Variants in ESYT3 observed in about 807,000 individuals in gnomAD.
The protein encoded by ESYT3 is extended synaptotagmin-3.
A neutral mutation model predicts 111.5 loss-of-function variants in ESYT3; 101 were observed. The ratio of observed to expected loss-of-function variants is 0.91; its 90% CI spans 0.77 to 1.07. ESYT3 has a LOEUF of 1.07. Ranked by LOEUF, ESYT3 falls within the 50% of genes least tolerant of loss-of-function variation. The probability of loss-of-function intolerance (pLI) is 0.00; values close to 1 mark genes in which losing one functional copy is unlikely to be tolerated. For missense variants in ESYT3, 1,097 were observed against 1,109.4 expected (o/e 0.99, Z 0.16); for synonymous variants, 416 against 446.8 (o/e 0.93, Z 0.87).
chr3:138,451,020 T>G (rs2031889819), intron 1 of ESYT3, among the ~76,000 whole-genome samples: 1 of 152,230 alleles, frequency 6.6e-6, no homozygotes, highest in Admixed American at 6.5e-5. Flanking sequence ...CCTGTACATG[T>G]CCACGCTTAC....
At position 138,459,833 on chromosome 3, in the gene ESYT3, CAT is replaced by C. The variant is rs1249895138; in HGVS notation, c.649-111_649-110del. ...GGCAGCTTGGGGCAGGTGGCCCTGA[CAT>C]GTGGGGCAGCGTGGGCATGAAATGA... is the stretch of plus-strand genomic sequence containing the variant. On this transcript the variant is annotated intron_variant, in intron 5 of 22. Transcript: ENST00000389567. 2.9e-5 allele frequency: 26 copies of C among 887,896 alleles called. No individual in the cohort carries two copies. In the Middle Eastern group the frequency reaches 1.7e-3, roughly 57 times the overall value. 55.0% of individuals were successfully genotyped at this position (887,896 alleles called of 1,614,324 possible).
At position 138,477,558 on chromosome 3, in the gene ESYT3, G is replaced by GA. The variant is rs1369939472; in HGVS notation, c.*708dup. On this transcript the variant is annotated 3_prime_UTR_variant, in exon 23 of 23. Coordinates refer to ENST00000389567, the MANE Select transcript of ESYT3 (RefSeq NM_031913.5). ...CCAGCGTGTAGCATTATTTCCATAGGAAAATGCAAACCAAGTTCCAAGCCC... is the reference window on the plus strand; with the variant it reads ...CCAGCGTGTAGCATTATTTCCATAGGAAAAATGCAAACCAAGTTCCAAGCCC... 6.6e-6 allele frequency: 1 copy of GA among 152,146 alleles called. No individual in the cohort carries two copies. The highest frequency in any genetic ancestry group is 2.4e-5 in the African/African-American group (1 of 41,430). The allele number at this position is 152,146 out of a possible 1,614,324, so 9.4% of individuals were successfully genotyped here.
At chr3:138,445,236 CA>C (rs2031457228) in intron 1 of ESYT3, among the ~76,000 whole-genome samples, 1 of 152,212 alleles carries the variant, frequency 6.6e-6, no homozygotes, top group Non-Finnish European at 1.5e-5. Flanking sequence ...GGAACTGCAA[CA>C]AAAGCTCAGT....
chr3:138,450,686 C>T lies in ESYT3; in HGVS notation c.328-1362C>T, dbSNP rs530866387. On this transcript the variant is annotated intron_variant, in intron 1 of 22. Transcript: ENST00000389567. Reference sequence around the variant, plus strand: ...ACTGTTCCGGGAGAACTGAATTTCTCTGTCCCCTATTTTGGGAATGGCTGT... The same window carrying T: ...ACTGTTCCGGGAGAACTGAATTTCTTTGTCCCCTATTTTGGGAATGGCTGT... Among the ~76,000 whole-genome samples the T allele has an allele frequency of 1.7e-4, 26 of 152,374 alleles. No individual in the cohort carries two copies. The South Asian group carries it at 4.8e-3, about 28-fold the overall frequency.
chr3:138,454,952 A>C (rs1158052678), intron 2 of ESYT3, among the ~76,000 whole-genome samples: 1 of 152,230 alleles, frequency 6.6e-6, no homozygotes, highest in Non-Finnish European at 1.5e-5. Flanking sequence ...GAATAGCACC[A>C]AATCTTGGGG....
rs2033384542 is a variant in ESYT3, at chr3:138,474,315, G to A, written c.2431G>A (p.Val811Met). 6.2e-7 allele frequency: 1 copy of A among 1,604,834 alleles called. No individual in the cohort carries two copies. Among genetic ancestry groups the A allele is most frequent in the African/African-American group, 1.3e-5 (1 of 74,214 alleles). ...GTGGGCATGTCGTAAGAAGACTTCA[G>A]TGAAGCGGAAGACCTTGGAACCCCT... Reference protein sequence around the residue: ...RKWACRKKTSVKRKTLEPLFD... With the variant: ...RKWACRKKTSMKRKTLEPLFD... Residue 811 changes from valine to methionine, a missense_variant, in exon 20 of 23, where the codon GTG (valine) becomes ATG (methionine). Coordinates refer to ENST00000389567, the MANE Select transcript of ESYT3 (RefSeq NM_031913.5).
intron 2 of ESYT3, among the ~76,000 whole-genome samples, chr3:138,454,736 C>T (rs888517780): frequency 3.3e-5 from 5 of 152,182 alleles, no homozygotes; most frequent in Admixed American, 6.5e-5. Context: ...CTGCAGAAAT[C>T]GGGCAAAGGC....
At position 138,468,208 on chromosome 3, in the gene ESYT3, GT is replaced by G; in HGVS notation, c.1308+15del. ...GTTCTGACTGAGGTGAGTGTGGGGTGTCAAGGGCTCCCTTGCAGAAAGGTGG... is the reference window on the plus strand; with the variant it reads ...GTTCTGACTGAGGTGAGTGTGGGGTGCAAGGGCTCCCTTGCAGAAAGGTGG... On this transcript the variant is annotated intron_variant, in intron 12 of 22. Transcript: ENST00000389567. The G allele has an allele frequency of 1.2e-6, 2 of 1,613,372 alleles. No individual in the cohort carries two copies. The highest frequency in any genetic ancestry group is 2.2e-5 in the South Asian group (2 of 91,072).
chr3:138,469,599 G>A, intron 15 of ESYT3, 95 bp downstream of exon 15: 1 of 970,072 alleles, frequency 1.0e-6, no homozygotes, highest in Non-Finnish European at 1.6e-6. Context: ...AACTTATGGT[G>A]AATGCCTAGT....
In ESYT3 at chr3:138,463,116, G is replaced by A. The variant is rs367831446; in HGVS notation, c.915+910G>A. On this transcript the variant is annotated intron_variant, in intron 8 of 22. Coordinates refer to ENST00000389567, the MANE Select transcript of ESYT3 (RefSeq NM_031913.5). The stretch of plus-strand genomic sequence containing the variant: ...GGTGGGTGTGAAGGGAGGTGGTGGC[G>A]GGGAGTCTTGCTCTGTGGCCCAGGC... Among the ~76,000 whole-genome samples the A allele has an allele frequency of 2.4e-4, 37 of 152,054 alleles. No individual in the cohort carries two copies. In the South Asian group the frequency reaches 3.1e-3, roughly 13 times the overall value.
chr3:138,457,734 C>T (rs995972943), intron 4 of ESYT3, 90 bp downstream of exon 4: 12 of 1,257,272 alleles, frequency 9.5e-6, no homozygotes, highest in Non-Finnish European at 1.2e-5. Flanking sequence ...TATATATACT[C>T]TGACTTGGGA....
At position 138,468,886 on chromosome 3, in the gene ESYT3, G is replaced by T. The variant is rs1373826223; in HGVS notation, c.1434+5G>T. 3 of 1,614,034 alleles carry T rather than the reference G, an allele frequency of 1.9e-6. No homozygotes were observed. The highest frequency in any genetic ancestry group is 1.1e-5 in the South Asian group (1 of 91,080). ...AAACTCTCCAGGTTTGCCAGAGTGAGTGAGTATGTGGCTAAAAACTCCAGG... is the reference window on the plus strand; with the variant it reads ...AAACTCTCCAGGTTTGCCAGAGTGATTGAGTATGTGGCTAAAAACTCCAGG... On this transcript the variant is annotated splice_donor_5th_base_variant and intron_variant, in intron 14 of 22. Coordinates refer to ENST00000389567, the MANE Select transcript of ESYT3 (RefSeq NM_031913.5).
At chr3:138,463,240 G>A (rs2032746855) in intron 8 of ESYT3, among the ~76,000 whole-genome samples, 1 of 152,056 alleles carries the variant, frequency 6.6e-6, no homozygotes, top group Non-Finnish European at 1.5e-5. Flanking sequence ...GACTACAGGG[G>A]CACACCACCA....
At position 138,459,902 on chromosome 3, in the gene ESYT3, A is replaced by G. The variant is rs767744617; in HGVS notation, c.649-43A>G. The stretch of plus-strand genomic sequence containing the variant: ...AGCTGAGCCCAGCAGGCATGGGGAG[A>G]AAGTAGGCCTGGGCCCCTCACGGGC... On this transcript the variant is annotated intron_variant, in intron 5 of 22. Coordinates refer to ENST00000389567, the MANE Select transcript of ESYT3 (RefSeq NM_031913.5). 2.5e-5 allele frequency: 39 copies of G among 1,569,310 alleles called. 1 individual carries two copies. The highest frequency in any genetic ancestry group is 2.2e-4 in the Admixed American group (13 of 58,888).
intron 1 of ESYT3, among the ~76,000 whole-genome samples, chr3:138,436,982 A>G (rs759460133): frequency 3.3e-5 from 5 of 151,624 alleles, no homozygotes; most frequent in Non-Finnish European, 5.9e-5. Context: ...TACACCACAG[A>G]GACAGTTCTG....
In ESYT3 at chr3:138,473,462, CTTT is replaced by C; in HGVS notation, c.2238-73_2238-71del. On this transcript the variant is annotated intron_variant, in intron 18 of 22. Coordinates refer to ENST00000389567, the MANE Select transcript of ESYT3 (RefSeq NM_031913.5). ...CTATACTCCTCAAGCAGGAATGCTT[CTTT>C]GTCTTTGGGGGTGGCGGAAGAGGGC... 3.0e-6 allele frequency: 4 copies of C among 1,330,558 alleles called. No individual in the cohort carries two copies. The South Asian group carries it at 4.8e-5, about 16-fold the overall frequency. 82.4% of individuals were successfully genotyped at this position (1,330,558 alleles called of 1,614,324 possible).
intron 10 of ESYT3, 42 bp from the exon 11 acceptor site, chr3:138,467,519 T>C (rs1160665868): frequency 1.9e-6 from 3 of 1,608,814 alleles, no homozygotes; most frequent in Non-Finnish European, 1.7e-6. Flanking sequence ...TGCTGCTTTC[T>C]TCCTCTGAGC....
Position 138,464,430 on chromosome 3 carries a change from A to T in ESYT3, c.1001A>T (p.Tyr334Phe). 2.5e-6 allele frequency: 4 copies of T among 1,614,158 alleles called. No homozygotes were observed. The highest frequency in any genetic ancestry group is 3.4e-6 in the Non-Finnish European group (4 of 1,180,028). Reference protein sequence around the residue: ...FLGLRGKSDPYAKVSIGLQHF... With the variant: ...FLGLRGKSDPFAKVSIGLQHF... ...GGGCTCCGAGGCAAGTCAGATCCCT[A>T]CGCCAAGGTGAGCATCGGCCTACAG... is the stretch of plus-strand genomic sequence containing the variant. Residue 334 changes from tyrosine to phenylalanine, a missense_variant, in exon 9 of 23, where the codon TAC becomes TTC. By Grantham distance (22) the Tyr-to-Phe change is conservative. Transcript: ENST00000389567.
rs1191575757 is a variant in ESYT3, at chr3:138,459,143, A to AC, written c.582-42dup. The AC allele has an allele frequency of 2.1e-6, 3 of 1,453,806 alleles. No homozygotes were observed. In the African/African-American group the frequency reaches 4.3e-5, roughly 21 times the overall value. 90.1% of individuals were successfully genotyped at this position (1,453,806 alleles called of 1,614,324 possible). A position where few individuals can be genotyped will look rare whatever the true frequency, so the allele number is the denominator to read the frequency against. ...TTTCCCAACCTTTCTGAGCAAGTGGACCTACCCCTCCTCCCCACCTTCCTT... is the reference window on the plus strand; with the variant it reads ...TTTCCCAACCTTTCTGAGCAAGTGGACCCTACCCCTCCTCCCCACCTTCCTT... On this transcript the variant is annotated intron_variant, in intron 4 of 22. Coordinates refer to ENST00000389567, the MANE Select transcript of ESYT3 (RefSeq NM_031913.5).
Sources: gnomAD v4.1 joint callset for allele counts (sites outside exome capture counted in the v4.1 genomes callset) on GRCh38, gnomAD v4.1.1 for gene constraint, MANE v1.5 for transcripts, NCBI Gene and HGNC (gene_info 2026-07-23, HGNC 2026-07-21) for gene names.